Variants in FAM53B observed in about 807,000 individuals in gnomAD.
The protein encoded by FAM53B is protein FAM53B.
FAM53B carries 12 observed loss-of-function variants against 32.7 expected under a neutral mutation model. That is an observed-to-expected ratio of 0.37 (90% CI 0.24 to 0.59). FAM53B has a LOEUF of 0.59. FAM53B is among the 20% of genes least tolerant of loss of function. The pLI, the probability that FAM53B is intolerant of heterozygous loss-of-function variation, is 0.72. For missense variants in FAM53B, 477 were observed against 577.7 expected, an observed-to-expected ratio of 0.83 and a Z score of 1.79; for synonymous variants, 234 against 228.7, an observed-to-expected ratio of 1.02 and a Z score of -0.21.
chr10:124,677,651 C>T (rs1350341985), intron 4 of FAM53B, among the ~76,000 whole-genome samples: 1 of 152,258 alleles, frequency 6.6e-6, no homozygotes, highest in Non-Finnish European at 1.5e-5. Flanking sequence ...CCTCATTCAG[C>T]ATCTCTGCCT....
chr10:124,729,664 G>C (rs2134100677), intron 1 of FAM53B, among the ~76,000 whole-genome samples: 1 of 152,324 alleles, frequency 6.6e-6, no homozygotes, highest in Non-Finnish European at 1.5e-5. Flanking sequence ...ACATGGAAAA[G>C]CCAGCCATTC....
chr10:124,687,364 T>C (rs1949809063), intron 3 of FAM53B, among the ~76,000 whole-genome samples: 1 of 152,184 alleles, frequency 6.6e-6, no homozygotes, highest in African/African-American at 2.4e-5. Context: ...TGTAGGAGTC[T>C]ACTGAGCAAC....
rs190046249 is a variant in FAM53B, at chr10:124,699,564, G to A, written c.79-3352C>T. ...ACGACTTCTCCATTTCCCCACCCCG[G>A]GCAAGCCACTGCTTGCTCCTCACTG... On this transcript the variant is annotated intron_variant, in intron 2 of 4. Coordinates refer to ENST00000337318, the MANE Select transcript of FAM53B (RefSeq NM_014661.4). Among the ~76,000 whole-genome samples the A allele has an allele frequency of 7.0e-3, 1,072 of 152,318 alleles. 8 individuals carry two copies. The highest frequency in any genetic ancestry group is 0.013 in the Non-Finnish European group (881 of 68,022).
intron 2 of FAM53B, among the ~76,000 whole-genome samples, chr10:124,696,913 C>T (rs575611103): frequency 6.6e-6 from 1 of 152,152 alleles, no homozygotes. Flanking sequence ...TTCCCTGATG[C>T]CCCCCGCCTA....
chr10:124,720,331 T>C (rs1950061863), intron 1 of FAM53B, among the ~76,000 whole-genome samples: 1 of 152,044 alleles, frequency 6.6e-6, no homozygotes, highest in Admixed American at 6.5e-5. Context: ...CCAGGCATGG[T>C]GGCATGTGCC....
At chr10:124,736,488 A>C (rs928434793) in intron 1 of FAM53B, among the ~76,000 whole-genome samples, 1 of 152,254 alleles carries the variant, frequency 6.6e-6, no homozygotes, top group African/African-American at 2.4e-5. Flanking sequence ...CAGAGAACTT[A>C]GTCTTTCCAC....
At chr10:124,716,784 C>T (rs964370818) in intron 1 of FAM53B, among the ~76,000 whole-genome samples, 2 of 152,024 alleles carry the variant, frequency 1.3e-5, no homozygotes, top group Admixed American at 6.6e-5. Context: ...ACAAGAGGCA[C>T]GGAGAGAGGA....
chr10:124,661,056 T>TAAAAAAAAAAA (rs57830542), intron 4 of FAM53B, among the ~76,000 whole-genome samples: 1 of 130,512 alleles, frequency 7.7e-6, no homozygotes, highest in Non-Finnish European at 1.6e-5. Flanking sequence ...CTACTGAAAT[T>TAAAAAAAAAAA]AAAAAAAAAA....
At chr10:124,736,505 A>C (rs762039339) in intron 1 of FAM53B, among the ~76,000 whole-genome samples, 9 of 152,354 alleles carry the variant, frequency 5.9e-5, no homozygotes, top group Non-Finnish European at 1.0e-4. Context: ...CCACTTCCAA[A>C]CATGCAGAGA....
In FAM53B at chr10:124,681,717, T is replaced by C. The variant is rs62642491; in HGVS notation, c.796A>G (p.Ser266Gly). The C allele has an allele frequency of 6.2e-7, 1 of 1,611,136 alleles. No homozygotes were observed. The change falls in exon 4 of 5, where the codon AGC becomes GGC. Residue 266 changes from serine (S) to glycine (G), a missense_variant. Physicochemically the swap from Ser to Gly is moderately conservative, Grantham distance 56. Transcript: ENST00000337318. ...LARRSSGLSR[S>G]RSQPCVLNDK... ...TTAAGGACACACGGCTGGGAGCGGC[T>C]GCGGGAAAGGCCGCTGGAGCGTCTC...
At chr10:124,719,524 G>A (rs760667056) in intron 1 of FAM53B, among the ~76,000 whole-genome samples, 2 of 152,130 alleles carry the variant, frequency 1.3e-5, no homozygotes, top group Non-Finnish European at 2.9e-5. Context: ...CATCTTCCTC[G>A]TTAGAAATGG....
Position 124,682,196 on chromosome 10 carries a change from G to A in FAM53B, c.317C>T (p.Ser106Leu), listed in dbSNP as rs1179830404. 18 of 1,613,912 alleles carry A rather than the reference G, an allele frequency of 1.1e-5. No individual in the cohort carries two copies. The highest frequency in any genetic ancestry group is 1.5e-5 in the Non-Finnish European group (18 of 1,179,956). The change falls in exon 4 of 5, where the codon TCA (serine) becomes TTA (leucine). Residue 106 changes from serine to leucine, a missense_variant. Around this residue, in one of 2 missense-constraint regions of FAM53B, gnomAD observed 312 missense variants for 420.2 expected, o/e 0.74. Transcript: ENST00000337318. This position sits in a 1 kb window ranked among gnomAD's most constrained non-coding sequence, Gnocchi z 5.2. Reference sequence around the variant, plus strand: ...GCACTGGCGCTTGCTAGGGGGTGCTGAGGGGTTCCCGTTGTGGTCGCTGAT... The same window carrying A: ...GCACTGGCGCTTGCTAGGGGGTGCTAAGGGGTTCCCGTTGTGGTCGCTGAT... Reference protein sequence around the residue: ...LSISDHNGNPSAPPSKRQCRS... With the variant: ...LSISDHNGNPLAPPSKRQCRS...
intron 1 of FAM53B, among the ~76,000 whole-genome samples, chr10:124,737,095 AT>A (rs560222135): frequency 2.8e-4 from 42 of 152,230 alleles, no homozygotes; most frequent in Non-Finnish European, 5.1e-4. Flanking sequence ...TGTGCTGAGG[AT>A]TAAATGAACT....
At chr10:124,639,273 G>A (rs1307561527) in intron 4 of FAM53B, among the ~76,000 whole-genome samples, 2 of 152,214 alleles carry the variant, frequency 1.3e-5, no homozygotes, top group Non-Finnish European at 1.5e-5. Flanking sequence ...TTCTGTGCCA[G>A]GTTCAGGCAC....
At position 124,714,675 on chromosome 10, in the gene FAM53B, C is replaced by T. The variant is rs1172947587; in HGVS notation, c.-174-7788G>A. ...TCGGGAGGCTGAGGCAGGAGAATGG[C>T]GGGAACCCGGGAGGCAGAGCTTGCA... On this transcript the variant is annotated intron_variant, in intron 1 of 4. Coordinates refer to ENST00000337318, the MANE Select transcript of FAM53B (RefSeq NM_014661.4). Among the ~76,000 whole-genome samples, 5 of 143,236 alleles carry T rather than the reference C, an allele frequency of 3.5e-5. No homozygotes were observed. In the South Asian group the frequency reaches 6.8e-4, roughly 20 times the overall value. 94.0% of individuals were successfully genotyped at this position (143,236 alleles called of 152,430 possible).
At chr10:124,687,720 C>T (rs1036615214) in intron 3 of FAM53B, among the ~76,000 whole-genome samples, 6 of 152,144 alleles carry the variant, frequency 3.9e-5, no homozygotes, top group African/African-American at 1.2e-4. Context: ...TTCTAGACCC[C>T]GTCTCTGACT....
chr10:124,623,510 C>T lies in FAM53B; in HGVS notation c.1001G>A (p.Arg334Lys). 1 of 1,594,862 alleles carries T rather than the reference C, an allele frequency of 6.3e-7. No individual in the cohort carries two copies. The highest frequency in any genetic ancestry group is 1.8e-5 in the Admixed American group (1 of 56,652). ...GGCTGAGAGCAGGGCGGTCCAGGCC[C>T]TGGTGTTGCTGACGTGGCGGGCGAA... is the stretch of plus-strand genomic sequence containing the variant. ...SPFARHVSNT[R>K]AWTALLSASG... Residue 334 changes from arginine to lysine, a missense_variant, in exon 5 of 5, where the codon AGG (arginine) becomes AAG (lysine). Coordinates refer to ENST00000337318, the MANE Select transcript of FAM53B (RefSeq NM_014661.4).
intron 1 of FAM53B, among the ~76,000 whole-genome samples, chr10:124,711,106 C>T (rs185760494): frequency 1.3e-5 from 2 of 152,288 alleles, no homozygotes; most frequent in African/African-American, 4.8e-5. Flanking sequence ...TGGCAGGGCA[C>T]AGCCACACTG....
At chr10:124,624,900 G>A (rs1949335533) in intron 4 of FAM53B, among the ~76,000 whole-genome samples, 1 of 152,224 alleles carries the variant, frequency 6.6e-6, no homozygotes, top group Non-Finnish European at 1.5e-5. Flanking sequence ...GCAGCAACGA[G>A]GTCGAATAGC....
Sources: gnomAD v4.1 joint callset for allele counts (sites outside exome capture counted in the v4.1 genomes callset) on GRCh38, gnomAD v4.1.1 for gene constraint, gnomAD v4.1.1 regional missense constraint, Gnocchi (gnomAD v3.1) non-coding constraint, MANE v1.5 for transcripts, NCBI Gene and HGNC (gene_info 2026-07-23, HGNC 2026-07-21) for gene names.